The following CD36 variants were observed in gnomAD, a reference collection of about 807,000 sequenced individuals.
CD36 encodes platelet glycoprotein 4.
CD36 carries 119 observed loss-of-function variants against 55.2 expected under a neutral mutation model. That is an observed-to-expected ratio of 2.15 (90% CI 1.86 to 2.51). CD36 has a LOEUF of 2.51. Ranked by LOEUF, CD36 falls within the 30% of genes most tolerant of loss-of-function variation. The pLI is 0.00. For synonymous variants in CD36, 186 were observed against 193.6 expected (o/e 0.96, Z 0.33); for missense variants, 819 against 555.5 (o/e 1.47, Z -4.77).
chr7:80,670,645 A>G, intron 9 of CD36: 1 of 321,018 alleles, frequency 3.1e-6, no homozygotes. Context: ...TTCCAGGATT[A>G]ATTAAGCCGT....
intron 3 of CD36, among the ~76,000 whole-genome samples, chr7:80,648,250 T>C (rs1428023571): frequency 6.6e-6 from 1 of 152,144 alleles, no homozygotes; most frequent in Non-Finnish European, 1.5e-5. Flanking sequence ...TCATAAACTA[T>C]GTTCTCACCC....
At chr7:80,673,716 ATTGAATAAGTCT>A (rs1288973663) in intron 13 of CD36, 1 of 563,016 alleles carries the variant, frequency 1.8e-6, no homozygotes, top group African/African-American at 1.9e-5. Flanking sequence ...TAGGAAAAAC[ATTGAATAAGTCT>A]TTGGAGCAAA....
intron 1 of CD36, among the ~76,000 whole-genome samples, chr7:80,619,839 A>T: frequency 6.6e-6 from 1 of 152,172 alleles, no homozygotes; most frequent in East Asian, 1.9e-4. Context: ...GATTGCAACC[A>T]TCATGGATGA....
intron 1 of CD36, among the ~76,000 whole-genome samples, chr7:80,622,963 G>A (rs1373659613): frequency 2.0e-5 from 3 of 151,180 alleles, no homozygotes; most frequent in Non-Finnish European, 4.4e-5. Flanking sequence ...CTAGACAACA[G>A]GCTATCTCTG....
At chr7:80,619,904 C>A (rs1472964761) in intron 1 of CD36, among the ~76,000 whole-genome samples, 1 of 152,102 alleles carries the variant, frequency 6.6e-6, no homozygotes, top group Non-Finnish European at 1.5e-5. Flanking sequence ...GTGAAAATAG[C>A]AAGAAAACTA....
intron 1 of CD36, among the ~76,000 whole-genome samples, chr7:80,640,687 T>C (rs1458372750): frequency 1.3e-5 from 2 of 152,040 alleles, no homozygotes; most frequent in Non-Finnish European, 2.9e-5. Context: ...GATAATACTC[T>C]TTAAGTCAGT....
At chr7:80,674,727 G>A (rs1798086523) in intron 14 of CD36, among the ~76,000 whole-genome samples, 1 of 152,016 alleles carries the variant, frequency 6.6e-6, no homozygotes, top group Admixed American at 6.6e-5. Context: ...CTTTCCTAAA[G>A]GAAAACCTTT....
At chr7:80,615,281 C>T (rs1793084086) in intron 1 of CD36, among the ~76,000 whole-genome samples, 1 of 152,154 alleles carries the variant, frequency 6.6e-6, no homozygotes, top group South Asian at 2.1e-4. Context: ...TGTCACTCCT[C>T]CAACTTATAA....
chr7:80,651,833 C>G (rs1282683345), intron 3 of CD36, among the ~76,000 whole-genome samples: 1 of 152,108 alleles, frequency 6.6e-6, no homozygotes, highest in Non-Finnish European at 1.5e-5. Context: ...CCCTTGAGCC[C>G]AGGAGGTTGA....
Position 80,605,583 on chromosome 7 carries a change from C to T in CD36, c.-184+3204C>T, listed in dbSNP as rs566997089. 1.2e-4 allele frequency among the ~76,000 whole-genome samples: 19 copies of T among 152,264 alleles called. No individual in the cohort carries two copies. The South Asian group carries it at 3.9e-3, about 32-fold the overall frequency. ...AGTTGTTTCCATTGCTTGCTCTAAG[C>T]TTCTCGTTTTTGCATCATTTACTCT... On this transcript the variant is annotated intron_variant, in intron 1 of 13. Coordinates refer to the CD36 transcript ENST00000309881.
chr7:80,670,031 G>A lies in CD36; in HGVS notation c.818+9G>A. ...TCTTCTGATATTTGCAGGTAAGACA[G>A]ATACTGAAGTATAAGTATGTCTGAG... On this transcript the variant is annotated intron_variant, in intron 9 of 14. Transcript: ENST00000447544. 1 of 1,561,660 alleles carries A rather than the reference G, an allele frequency of 6.4e-7. No individual in the cohort carries two copies.
chr7:80,643,709 G>A (rs113202681), intron 1 of CD36, among the ~76,000 whole-genome samples: 277 of 152,198 alleles, frequency 1.8e-3, no homozygotes, highest in African/African-American at 6.0e-3. Flanking sequence ...CAGTTCAGCC[G>A]CTTAAATTAA....
At chr7:80,647,391 C>G (rs1795251393) in intron 3 of CD36, among the ~76,000 whole-genome samples, 1 of 152,028 alleles carries the variant, frequency 6.6e-6, no homozygotes, top group East Asian at 1.9e-4. Context: ...ATAATCTCAT[C>G]TCATAAATAT....
In CD36 at chr7:80,632,257, A is replaced by C. The variant is rs555787506; in HGVS notation, c.-183-13831A>C. On this transcript the variant is annotated intron_variant, in intron 1 of 13. Coordinates refer to the CD36 transcript ENST00000309881. ...CTCAGGGCAGAATGATCACTTCTCC[A>C]TTTAAAAAAAAAAAAAAACAGAACA... is the stretch of plus-strand genomic sequence containing the variant. Among the ~76,000 whole-genome samples the C allele has an allele frequency of 6.0e-5, 9 of 149,900 alleles. No individual in the cohort carries two copies. In the South Asian group the frequency reaches 1.7e-3, roughly 28 times the overall value.
rs1474485039 is a variant in CD36, at chr7:80,676,956, TC to T, written c.*574del. 6.6e-6 allele frequency: 1 copy of T among 152,166 alleles called. No individual in the cohort carries two copies. The highest frequency in any genetic ancestry group is 1.5e-5 in the Non-Finnish European group (1 of 68,036). 9.4% of individuals were successfully genotyped at this position (152,166 alleles called of 1,614,324 possible). On this transcript the variant is annotated 3_prime_UTR_variant, in exon 15 of 15. Transcript: ENST00000447544. Reference sequence around the variant, plus strand: ...TTATTCATTATAATATTTTTTGCTGTCATAATCGCCTCATAAAGACAGGTTT... The same window carrying T: ...TTATTCATTATAATATTTTTTGCTGTATAATCGCCTCATAAAGACAGGTTT...
At chr7:80,665,397 A>G (rs1796977494) in intron 7 of CD36, among the ~76,000 whole-genome samples, 1 of 86,192 alleles carries the variant, frequency 1.2e-5, no homozygotes, top group Admixed American at 1.2e-4. Context: ...TTTTATTAAT[A>G]TAAAGTAACC....
intron 12 of CD36, 121 bp downstream of exon 12, chr7:80,672,964 GC>G (rs1797861776): frequency 2.8e-6 from 2 of 720,084 alleles, no homozygotes; most frequent in African/African-American, 3.6e-5. Flanking sequence ...CTTATCTTTA[GC>G]TTAATGTCAC....
chr7:80,615,373 C>T (rs534900201), intron 1 of CD36, among the ~76,000 whole-genome samples: 1 of 152,236 alleles, frequency 6.6e-6, no homozygotes, highest in East Asian at 1.9e-4. Context: ...GGTCTGGTAT[C>T]CACCTGTTTT....
intron 9 of CD36, chr7:80,670,741 T>C: frequency 1.9e-6 from 1 of 520,056 alleles, no homozygotes; most frequent in South Asian, 2.3e-5. Flanking sequence ...ATAAATTGCC[T>C]GTGAGAAGTA....
Sources: allele counts gnomAD v4.1 joint callset (sites outside exome capture counted in the v4.1 genomes callset), GRCh38; gene constraint gnomAD v4.1.1; transcripts MANE v1.5; gene names NCBI Gene and HGNC (gene_info 2026-07-23, HGNC 2026-07-21).